SLC13A2: variants seen among roughly 807,000 people sequenced by gnomAD.
SLC13A2 encodes the protein solute carrier family 13 member 2, also known as Na(+)-coupled citrate transporter.
In SLC13A2, 40 loss-of-function variants were observed where a neutral mutation model predicts 58.5. That is an observed-to-expected ratio of 0.68 (90% CI 0.53 to 0.89). SLC13A2 has a LOEUF of 0.89. SLC13A2 is among the 40% of genes least tolerant of loss of function. The pLI, the probability that SLC13A2 is intolerant of heterozygous loss-of-function variation, is 0.00. For missense variants in SLC13A2, 694 were observed against 772.6 expected (o/e 0.90, Z 1.21); for synonymous variants, 341 against 331.6 (o/e 1.03, Z -0.31).
At position 28,491,534 on chromosome 17, in the gene SLC13A2, C is replaced by A. The variant is rs377430419; in HGVS notation, c.672C>A (p.Cys224Ter). Reference protein sequence around the residue: ...HLHLTQCMSLCVCYSASIGGI... With the variant: ...HLHLTQCMSL The stretch of plus-strand genomic sequence containing the variant: ...ACCTCACCCAGTGCATGAGCCTGTG[C>A]GTGTGCTACTCCGCCAGCATCGGGG... The change falls in exon 5 of 12, where the codon TGC becomes TGA. Residue 224 changes from cysteine (C) to a stop codon, truncating the protein, a stop_gained. Coordinates refer to ENST00000314669, the MANE Select transcript of SLC13A2 (RefSeq NM_003984.4). LOFTEE classifies it high-confidence loss of function. 3 of 1,613,692 alleles carry A rather than the reference C, an allele frequency of 1.9e-6. No homozygotes were observed. The highest frequency in any genetic ancestry group is 2.5e-6 in the Non-Finnish European group (3 of 1,180,054).
Position 28,494,817 on chromosome 17 carries a change from AGAGCACAC to A in SLC13A2, c.1308+306_1308+313del, listed in dbSNP as rs1303118977. ...CCACCCCAGCCCTTTGCCCGCTGCC[AGAGCACAC>A]AGTAGCATCAGCACCAAAGTAATTG... is the stretch of plus-strand genomic sequence containing the variant. On this transcript the variant is annotated intron_variant, in intron 9 of 11. Coordinates refer to ENST00000314669, the MANE Select transcript of SLC13A2 (RefSeq NM_003984.4). The surrounding 1 kb of genome is among the most constrained non-coding windows in gnomAD (Gnocchi z 4.0). Among the ~76,000 whole-genome samples the A allele has an allele frequency of 6.6e-6, 1 of 152,156 alleles. No individual in the cohort carries two copies. The highest frequency in any genetic ancestry group is 1.5e-5 in the Non-Finnish European group (1 of 68,018).
intron 1 of SLC13A2, among the ~76,000 whole-genome samples, chr17:28,474,842 C>T (rs1435831477): frequency 6.6e-6 from 1 of 152,116 alleles, no homozygotes; most frequent in Non-Finnish European, 1.5e-5. Flanking sequence ...CTGCCTCCTG[C>T]CCCACCCCAC....
intron 1 of SLC13A2, among the ~76,000 whole-genome samples, chr17:28,477,591 A>G (rs574217608): frequency 5.3e-5 from 8 of 152,166 alleles, no homozygotes; most frequent in South Asian, 2.1e-4. Context: ...TGAGTCCCCA[A>G]GCTTAGCCCC....
chr17:28,489,391 G>A, intron 2 of SLC13A2, 49 bp downstream of exon 2: 3 of 1,566,024 alleles, frequency 1.9e-6, no homozygotes, highest in Non-Finnish European at 8.7e-7. Context: ...CGGGAGGCCA[G>A]GGGGTGGGTT....
At position 28,489,194 on chromosome 17, in the gene SLC13A2, C is replaced by G. The variant is rs782293916; in HGVS notation, c.103-20C>G. The G allele has an allele frequency of 6.8e-6, 11 of 1,611,426 alleles. No individual in the cohort carries two copies. In the East Asian group the frequency reaches 2.5e-4, roughly 36 times the overall value. Reference sequence around the variant, plus strand: ...GACACAGGCCCTCTGACAGCTCTGCCGCTTCTCTCCCACCTGCAGGAGGCC... The same window carrying G: ...GACACAGGCCCTCTGACAGCTCTGCGGCTTCTCTCCCACCTGCAGGAGGCC... On this transcript the variant is annotated intron_variant, in intron 1 of 11. Transcript: ENST00000314669.
chr17:28,491,980 C>A, intron 6 of SLC13A2, 128 bp downstream of exon 6: 1 of 1,338,294 alleles, frequency 7.5e-7, no homozygotes, highest in Non-Finnish European at 1.0e-6. Flanking sequence ...TCCCAAAGCC[C>A]CTCTGTGCAC....
intron 1 of SLC13A2, among the ~76,000 whole-genome samples, chr17:28,483,662 C>T (rs1218745247): frequency 6.6e-6 from 1 of 152,082 alleles, no homozygotes; most frequent in Admixed American, 6.6e-5. Context: ...TTTAAAAAAA[C>T]CTTATTCCTA....
intron 2 of SLC13A2, among the ~76,000 whole-genome samples, chr17:28,489,689 G>A (rs2068963757): frequency 6.6e-6 from 1 of 152,164 alleles, no homozygotes; most frequent in South Asian, 2.1e-4. Context: ...TCACCTGGAG[G>A]GCTGGTTAAA....
intron 1 of SLC13A2, among the ~76,000 whole-genome samples, chr17:28,474,406 G>A (rs191311791): frequency 1.3e-5 from 2 of 152,182 alleles, no homozygotes; most frequent in Admixed American, 6.5e-5. Flanking sequence ...GGGGAGCTGG[G>A]CACAACCAGG....
Position 28,496,702 on chromosome 17 carries a change from C to T in SLC13A2, c.1608+115C>T, listed in dbSNP as rs1394994714. 4.3e-6 allele frequency: 6 copies of T among 1,410,448 alleles called. No individual in the cohort carries two copies. Among genetic ancestry groups the T allele is most frequent in the South Asian group, 1.4e-5 (1 of 69,694 alleles). 87.4% of individuals were successfully genotyped at this position (1,410,448 alleles called of 1,614,324 possible). A position where few individuals can be genotyped will look rare whatever the true frequency, so the allele number is the denominator to read the frequency against. On this transcript the variant is annotated intron_variant, in intron 11 of 11. Transcript: ENST00000314669. The surrounding 1 kb of genome is among the most constrained non-coding windows in gnomAD (Gnocchi z 4.2). Reference sequence around the variant, plus strand: ...AGAGTCTCAGAGTTGAGCGGGTCCTCATCTGGAATGAAGGTGCAGTTGGGG... The same window carrying T: ...AGAGTCTCAGAGTTGAGCGGGTCCTTATCTGGAATGAAGGTGCAGTTGGGG...
At chr17:28,485,082 G>C (rs544384439) in intron 1 of SLC13A2, among the ~76,000 whole-genome samples, 1 of 152,302 alleles carries the variant, frequency 6.6e-6, no homozygotes, top group East Asian at 1.9e-4. Context: ...TGAGAGGAGA[G>C]TAGCTGCTAC....
chr17:28,490,205 T>C, intron 2 of SLC13A2: 2 of 1,132,940 alleles, frequency 1.8e-6, no homozygotes, highest in Non-Finnish European at 2.4e-6. Flanking sequence ...GCCAAGGAGG[T>C]GGAGGTTGCA....
Position 28,497,266 on chromosome 17 carries a change from CT to C in SLC13A2, c.1777del (p.Ter593ArgfsTer37). ...SLANTTTPSP[*>X] ...TGGCCAACACCACCACACCAAGCCCCTAGGCTGGGGCACAGCCTGGCCATGC... is the reference window on the plus strand; with the variant it reads ...TGGCCAACACCACCACACCAAGCCCCAGGCTGGGGCACAGCCTGGCCATGC... On this transcript the variant is annotated frameshift_variant and stop_lost, in exon 12 of 12. Coordinates refer to ENST00000314669, the MANE Select transcript of SLC13A2 (RefSeq NM_003984.4). LOFTEE classifies it high-confidence loss of function. The C allele has an allele frequency of 6.2e-7, 1 of 1,613,170 alleles. No homozygotes were observed. The highest frequency in any genetic ancestry group is 8.5e-7 in the Non-Finnish European group (1 of 1,179,438).
chr17:28,488,873 CCTT>C (rs546914709), intron 1 of SLC13A2, among the ~76,000 whole-genome samples: 7 of 152,226 alleles, frequency 4.6e-5, no homozygotes, highest in Non-Finnish European at 8.8e-5. Flanking sequence ...AGGTCCTGCT[CCTT>C]CTTCTGGCAG....
chr17:28,487,254 G>A (rs2068899207), intron 1 of SLC13A2, among the ~76,000 whole-genome samples: 1 of 152,138 alleles, frequency 6.6e-6, no homozygotes, highest in African/African-American at 2.4e-5. Flanking sequence ...TGGTCACAGG[G>A]AGCCTGAGGC....
chr17:28,478,377 A>C (rs1383491728), intron 1 of SLC13A2, among the ~76,000 whole-genome samples: 3 of 152,240 alleles, frequency 2.0e-5, no homozygotes, highest in Non-Finnish European at 4.4e-5. Context: ...AGGAATACAG[A>C]TGTTCCATTC....
Position 28,497,341 on chromosome 17 carries a change from C to CCCAAGAT in SLC13A2, c.*77_*78insATCCAAG. On this transcript the variant is annotated 3_prime_UTR_variant, in exon 12 of 12. Transcript: ENST00000314669. Reference sequence around the variant, plus strand: ...ACTCCTCTGAGCCCGGAGGGGACACCCCAAGCTCCAAGCTCCAAGCTCCAG... The same window carrying CCCAAGAT: ...ACTCCTCTGAGCCCGGAGGGGACACCCCAAGATCCAAGCTCCAAGCTCCAAGCTCCAG... 1 of 1,518,504 alleles carries CCCAAGAT rather than the reference C, an allele frequency of 6.6e-7. No homozygotes were observed. The highest frequency in any genetic ancestry group is 8.9e-7 in the Non-Finnish European group (1 of 1,127,478). The allele number at this position is 1,518,504 out of a possible 1,614,324, so 94.1% of individuals were successfully genotyped here.
In SLC13A2 at chr17:28,497,262, G is replaced by C; in HGVS notation, c.1772G>C (p.Ser591Thr). ...LPSLANTTTP[S>T]P The stretch of plus-strand genomic sequence containing the variant: ...AGCCTGGCCAACACCACCACACCAA[G>C]CCCCTAGGCTGGGGCACAGCCTGGC... The change falls in exon 12 of 12, where the codon AGC becomes ACC. Residue 591 changes from serine to threonine, a missense_variant. Transcript: ENST00000314669. 6.2e-7 allele frequency: 1 copy of C among 1,613,378 alleles called. No individual in the cohort carries two copies. The highest frequency in any genetic ancestry group is 8.5e-7 in the Non-Finnish European group (1 of 1,179,586).
At chr17:28,476,981 AC>A (rs1393962099) in intron 1 of SLC13A2, among the ~76,000 whole-genome samples, 2 of 149,688 alleles carry the variant, frequency 1.3e-5, no homozygotes, top group Non-Finnish European at 2.9e-5. Flanking sequence ...ACATGATGAA[AC>A]CCCGTCTCTA....
Sources: allele counts gnomAD v4.1 joint callset (sites outside exome capture counted in the v4.1 genomes callset), GRCh38; gene constraint gnomAD v4.1.1; non-coding constraint Gnocchi (gnomAD v3.1); transcripts MANE v1.5; gene names NCBI Gene and HGNC (gene_info 2026-07-23, HGNC 2026-07-21).